QRSL1: variants seen among roughly 807,000 people sequenced by gnomAD.
The protein encoded by QRSL1 is glutamyl-tRNA(Gln) amidotransferase subunit A, mitochondrial.
QRSL1 carries 54 observed loss-of-function variants against 61.6 expected under a neutral mutation model. That is an observed-to-expected ratio of 0.88 (90% confidence interval 0.70 to 1.10). QRSL1 has a LOEUF of 1.10. QRSL1 is among the 50% of genes least tolerant of loss of function. The probability of loss-of-function intolerance (pLI) is 0.00; values close to 1 mark genes in which losing one functional copy is unlikely to be tolerated. For synonymous variants in QRSL1, 228 were observed against 225.7 expected (o/e 1.01, Z -0.09); for missense variants, 505 against 622.6 (o/e 0.81, Z 2.01).
chr6:106,652,319 TG>T lies in QRSL1; in HGVS notation c.670del (p.Val224Ter), dbSNP rs1169866887. On this transcript the variant is annotated frameshift_variant, in exon 6 of 11. Coordinates refer to ENST00000369046, the MANE Select transcript of QRSL1 (RefSeq NM_018292.5). LOFTEE classifies it high-confidence loss of function. Reference sequence around the variant, plus strand: ...GTTTCCCGTCATGGTCTCATTCCCCTGGTGAATTCGATGGATGTGCCAGGAA... The same window carrying T: ...GTTTCCCGTCATGGTCTCATTCCCCTGTGAATTCGATGGATGTGCCAGGAA... The part of the protein sequence containing the change: ...GLVSRHGLIP[L>X]VNSMDVPGIL... 1 of 1,614,208 alleles carries T rather than the reference TG, an allele frequency of 6.2e-7. No individual in the cohort carries two copies.
intron 9 of QRSL1, among the ~76,000 whole-genome samples, chr6:106,658,641 G>C (rs1473650523): frequency 5.3e-5 from 8 of 151,902 alleles, no homozygotes; most frequent in Admixed American, 5.2e-4. Flanking sequence ...TTTCTGAGAA[G>C]TCTGTTGTCA....
rs1582403802 is a variant in QRSL1 at position 106,632,959 on chromosome 6, C to T, written c.24+3254C>T. ...TTGGCTCCATTTGTCAGGATTTTAACACAAGTCACTCTATTTTGATTTTGA... is the reference window on the plus strand; with the variant it reads ...TTGGCTCCATTTGTCAGGATTTTAATACAAGTCACTCTATTTTGATTTTGA... On this transcript the variant is annotated intron_variant, in intron 1 of 10. Transcript: ENST00000369046. 3.3e-5 allele frequency among the ~76,000 whole-genome samples: 5 copies of T among 152,212 alleles called. No homozygotes were observed. In the South Asian group the frequency reaches 6.2e-4, roughly 19 times the overall value.
chr6:106,640,371 G>T lies in QRSL1; in HGVS notation c.47G>T (p.Gly16Val). ...TAGGTTTCTGCGGCACTGAAACAAG[G>T]CCAAATTACACCAACAGAGCTCTGT... ...LREVSAALKQ[G>V]QITPTELCQK... Residue 16 changes from glycine to valine, a missense_variant, in exon 2 of 11, where the codon GGC becomes GTC. Physicochemically the swap from Gly to Val is moderately radical, Grantham distance 109. Coordinates refer to ENST00000369046, the MANE Select transcript of QRSL1 (RefSeq NM_018292.5). 6.2e-7 allele frequency: 1 copy of T among 1,613,292 alleles called. No individual in the cohort carries two copies. The highest frequency in any genetic ancestry group is 8.5e-7 in the Non-Finnish European group (1 of 1,179,526).
chr6:106,639,015 G>C (rs1776966444), intron 1 of QRSL1, among the ~76,000 whole-genome samples: 1 of 151,418 alleles, frequency 6.6e-6, no homozygotes, highest in Non-Finnish European at 1.5e-5. Context: ...TTTACTATTT[G>C]TGTGACTTTG....
At chr6:106,632,165 T>C (rs1275697139) in intron 1 of QRSL1, among the ~76,000 whole-genome samples, 1 of 152,226 alleles carries the variant, frequency 6.6e-6, no homozygotes, top group Admixed American at 6.5e-5. Flanking sequence ...GGCTGAATAG[T>C]ACTCCATTGT....
chr6:106,660,825 G>C (rs1262195330), intron 9 of QRSL1, among the ~76,000 whole-genome samples: 3 of 152,070 alleles, frequency 2.0e-5, no homozygotes, highest in Non-Finnish European at 4.4e-5. Context: ...GAAAAAGAGG[G>C]AGAGAAAGGG....
chr6:106,639,111 G>GTGTTTTTT (rs1776967983), intron 1 of QRSL1, among the ~76,000 whole-genome samples: 1 of 60,754 alleles, frequency 1.6e-5, no homozygotes, highest in African/African-American at 6.7e-5. Context: ...TTATTTGTGT[G>GTGTTTTTT]TTTTGTTGTT....
At chr6:106,653,388 C>G (rs13202677) in intron 7 of QRSL1, 51,355 of 151,830 alleles carry the variant, frequency 0.34, 9,279 homozygotes, top group Non-Finnish European at 0.41. Context: ...AAGTAGTACC[C>G]CACCACCAAA....
chr6:106,647,575 G>A (rs13200089), intron 4 of QRSL1, among the ~76,000 whole-genome samples: 8,030 of 124,674 alleles, frequency 0.064, 422 homozygotes, highest in Non-Finnish European at 0.093. Flanking sequence ...AAAAAAAAGA[G>A]AGAGACAATG....
At chr6:106,636,960 G>A (rs1776933666) in intron 1 of QRSL1, among the ~76,000 whole-genome samples, 1 of 152,134 alleles carries the variant, frequency 6.6e-6, no homozygotes, top group Admixed American at 6.5e-5. Flanking sequence ...CATAATCTCA[G>A]GATCTCACAG....
intron 9 of QRSL1, among the ~76,000 whole-genome samples, chr6:106,659,156 C>T (rs1777315408): frequency 6.6e-6 from 1 of 151,992 alleles, no homozygotes; most frequent in Admixed American, 6.5e-5. Context: ...TTTTCTTCTA[C>T]CTTCTTGAAC....
chr6:106,642,929 T>C (rs1777045390), intron 3 of QRSL1, 65 bp from the exon 4 acceptor site: 14 of 1,099,148 alleles, frequency 1.3e-5, no homozygotes, highest in African/African-American at 1.6e-5. Context: ...CATGGCATAA[T>C]AGGTATAAAC....
intron 4 of QRSL1, among the ~76,000 whole-genome samples, chr6:106,646,756 C>T (rs1317448278): frequency 4.6e-5 from 7 of 152,086 alleles, no homozygotes; most frequent in African/African-American, 7.2e-5. Context: ...TGGCCGGGCA[C>T]GGTGGCTCAC....
chr6:106,642,794 A>G (rs2114704397), intron 3 of QRSL1, 200 bp from the exon 4 acceptor site: 1 of 743,388 alleles, frequency 1.3e-6, no homozygotes, highest in Admixed American at 1.8e-5. Flanking sequence ...TGAGGAAAAG[A>G]AGGAAGCCAA....
intron 7 of QRSL1, among the ~76,000 whole-genome samples, chr6:106,654,079 C>T (rs939522312): frequency 9.2e-5 from 14 of 152,062 alleles, no homozygotes; most frequent in African/African-American, 2.7e-4. Context: ...AGGCTGGGCA[C>T]GGTGGCTCAC....
intron 1 of QRSL1, among the ~76,000 whole-genome samples, chr6:106,638,130 T>C (rs189222629): frequency 6.6e-6 from 1 of 152,326 alleles, no homozygotes; most frequent in Admixed American, 6.5e-5. Context: ...AACTTAGCCA[T>C]GGGATGGGCC....
At chr6:106,646,717 CA>C (rs1777110647) in intron 4 of QRSL1, among the ~76,000 whole-genome samples, 1 of 151,760 alleles carries the variant, frequency 6.6e-6, no homozygotes, top group Non-Finnish European at 1.5e-5. Flanking sequence ...ACACATGAAG[CA>C]CAAATCCACT....
Position 106,640,463 on chromosome 6 carries a change from G to A in QRSL1, c.139G>A (p.Val47Met). 2 of 1,601,004 alleles carry A rather than the reference G, an allele frequency of 1.2e-6. No individual in the cohort carries two copies. The highest frequency in any genetic ancestry group is 1.1e-5 in the South Asian group (1 of 88,566). ...LNAYITVSEE[V>M]ALKQAEESEK... ...TGCCTACATTACTGTGTCAGAAGAG[G>A]TGGCCTTAAAACAAGCTGAAGAATC... Residue 47 changes from valine (V) to methionine (M), a missense_variant, in exon 2 of 11, where the codon GTG (valine) becomes ATG (methionine). Physicochemically the swap from Val to Met is conservative, Grantham distance 21. Coordinates refer to ENST00000369046, the MANE Select transcript of QRSL1 (RefSeq NM_018292.5).
chr6:106,631,352 CAGAA>C (rs1263043569), intron 1 of QRSL1, among the ~76,000 whole-genome samples: 4 of 152,186 alleles, frequency 2.6e-5, no homozygotes, highest in East Asian at 1.9e-4. Context: ...ATCTAAGTAA[CAGAA>C]AGAGACTCTA....
Sources: allele counts gnomAD v4.1 joint callset (sites outside exome capture counted in the v4.1 genomes callset), GRCh38; gene constraint gnomAD v4.1.1; transcripts MANE v1.5; gene names NCBI Gene and HGNC (gene_info 2026-07-23, HGNC 2026-07-21).